The following TENM4 variants were observed in gnomAD, a reference collection of about 807,000 sequenced individuals.
TENM4 encodes teneurin-4.
In TENM4, 82 loss-of-function variants were observed where a neutral mutation model predicts 243.3. That is an observed-to-expected ratio of 0.34 (90% CI 0.28 to 0.40). The LOEUF (loss-of-function observed/expected upper bound fraction) is 0.40. Ranked by LOEUF, TENM4 falls within the 10% of genes least tolerant of loss-of-function variation. The pLI, the probability that TENM4 is intolerant of heterozygous loss-of-function variation, is 1.00. For missense variants in TENM4, 3,138 were observed against 3,673.3 expected (o/e 0.85, Z 3.77); for synonymous variants, 1,412 against 1,456.3 (o/e 0.97, Z 0.69).
intron 4 of TENM4, among the ~76,000 whole-genome samples, chr11:79,101,674 A>G (rs954037864): frequency 6.6e-6 from 1 of 152,228 alleles, no homozygotes; most frequent in Non-Finnish European, 1.5e-5. Flanking sequence ...TAATGAGAAC[A>G]TGCAAATGAG....
At chr11:78,961,294 C>T (rs1857315696) in intron 6 of TENM4, among the ~76,000 whole-genome samples, 2 of 152,188 alleles carry the variant, frequency 1.3e-5, no homozygotes, top group Non-Finnish European at 2.9e-5. Context: ...TAGGTTACCT[C>T]ATGTACATCC....
chr11:78,946,202 G>A (rs1005928903), intron 6 of TENM4, among the ~76,000 whole-genome samples: 1 of 152,192 alleles, frequency 6.6e-6, no homozygotes, highest in Non-Finnish European at 1.5e-5. Flanking sequence ...CTCTTGTCAG[G>A]GGCTAATGCA....
intron 15 of TENM4, among the ~76,000 whole-genome samples, chr11:78,797,097 T>C (rs1343453864): frequency 6.6e-6 from 1 of 152,174 alleles, no homozygotes; most frequent in Non-Finnish European, 1.5e-5. Context: ...GCACAAACCT[T>C]GGTAATAGCC....
At chr11:79,209,295 C>A (rs751171017) in intron 3 of TENM4, among the ~76,000 whole-genome samples, 21 of 152,170 alleles carry the variant, frequency 1.4e-4, no homozygotes, top group Non-Finnish European at 2.8e-4. Context: ...TAACCCCAAC[C>A]CGGCCGGCCT....
At chr11:79,268,985 G>C (rs1446243438) in intron 2 of TENM4, among the ~76,000 whole-genome samples, 1 of 152,210 alleles carries the variant, frequency 6.6e-6, no homozygotes, top group Non-Finnish European at 1.5e-5. Flanking sequence ...TATTAGATAA[G>C]ATGTCTTTAA....
rs757424213 is a variant in TENM4, at chr11:78,903,496, G to A, written c.521C>T (p.Ala174Val). The A allele has an allele frequency of 2.3e-5, 36 of 1,547,492 alleles. No individual in the cohort carries two copies. In the East Asian group the frequency reaches 7.8e-4, roughly 34 times the overall value. ...TDHPGGLQNH[A>V]RLRTPPPPLS... ...CGGCGGCGGCGGCGTCCGGAGCCGC[G>A]CGTGGTTCTGCAGGCCGCCCGGATG... Residue 174 changes from alanine (A) to valine (V), a missense_variant, in exon 7 of 34, where the codon GCG becomes GTG. Ala to Val is a moderately conservative substitution (Grantham distance 64). This residue lies in a region of TENM4 where 671 missense variants were observed against 614.1 expected (regional missense o/e 1.09). Coordinates refer to ENST00000278550, the MANE Select transcript of TENM4 (RefSeq NM_001098816.3).
intron 1 of TENM4, among the ~76,000 whole-genome samples, chr11:79,369,363 G>A (rs1231670717): frequency 6.6e-6 from 1 of 152,146 alleles, no homozygotes; most frequent in African/African-American, 2.4e-5. Context: ...ATCTTCCAAG[G>A]TTCAGAGGGG....
chr11:78,672,045 T>G lies in TENM4; in HGVS notation c.5781A>C (p.Thr1927=), dbSNP rs758262103. ...GACAGACACCTGCCTTCTCTAAGTA[T>G]GTGTAGCTCCATGTCTTCCCATCAG... ...IFADGKTWSY[T]YLEKSMVLLL... is the part of the protein sequence containing the mutation. Residue 1927 remains threonine (T), a synonymous_variant, in exon 31 of 34, where the codon ACA becomes ACC. Coordinates refer to ENST00000278550, the MANE Select transcript of TENM4 (RefSeq NM_001098816.3). The G allele has an allele frequency of 6.2e-7, 1 of 1,613,228 alleles. No homozygotes were observed.
chr11:79,109,217 ATTAT>A (rs1274742282), intron 4 of TENM4, among the ~76,000 whole-genome samples: 1 of 152,136 alleles, frequency 6.6e-6, no homozygotes, highest in African/African-American at 2.4e-5. Flanking sequence ...ATTGCTATTT[ATTAT>A]TTATTTCACT....
intron 3 of TENM4, among the ~76,000 whole-genome samples, chr11:79,160,399 G>T (rs943845284): frequency 6.6e-6 from 1 of 152,198 alleles, no homozygotes; most frequent in Non-Finnish European, 1.5e-5. Context: ...GTGCCTGGGG[G>T]TTCAGATTCC....
At chr11:79,166,332 A>G (rs1210707607) in intron 3 of TENM4, among the ~76,000 whole-genome samples, 1 of 152,216 alleles carries the variant, frequency 6.6e-6, no homozygotes, top group Admixed American at 6.5e-5. Context: ...GGCATAGAGC[A>G]TGTTCTCTTT....
At chr11:79,337,933 G>A (rs1330055890) in intron 1 of TENM4, among the ~76,000 whole-genome samples, 1 of 152,194 alleles carries the variant, frequency 6.6e-6, no homozygotes, top group Non-Finnish European at 1.5e-5. Flanking sequence ...GCCAGATCAG[G>A]GTCCTTCCTC....
chr11:79,378,495 C>T (rs939260869), intron 1 of TENM4, among the ~76,000 whole-genome samples: 1 of 152,136 alleles, frequency 6.6e-6, no homozygotes, highest in African/African-American at 2.4e-5. Context: ...TTCTGGAATC[C>T]CGGTCCAGAC....
chr11:79,152,601 C>A (rs12292631), intron 3 of TENM4, among the ~76,000 whole-genome samples: 1 of 152,190 alleles, frequency 6.6e-6, no homozygotes, highest in Non-Finnish European at 1.5e-5. Context: ...TTTAAAAGCT[C>A]GAATGAACAC....
At chr11:79,058,976 A>G (rs1860016301) in intron 6 of TENM4, among the ~76,000 whole-genome samples, 1 of 152,236 alleles carries the variant, frequency 6.6e-6, no homozygotes, top group African/African-American at 2.4e-5. Context: ...TTTTAAAACC[A>G]AGTCTCTTGG....
At chr11:79,430,506 C>T (rs998005155) in intron 1 of TENM4, among the ~76,000 whole-genome samples, 1 of 152,024 alleles carries the variant, frequency 6.6e-6, no homozygotes, top group Non-Finnish European at 1.5e-5. Flanking sequence ...AGTGATGATC[C>T]TACAATCTCA....
chr11:79,184,825 C>T (rs1200261808), intron 3 of TENM4, among the ~76,000 whole-genome samples: 1 of 152,076 alleles, frequency 6.6e-6, no homozygotes, highest in African/African-American at 2.4e-5. Context: ...GTATTTAACG[C>T]CCCTGAACTG....
At chr11:78,671,968 G>C in intron 31 of TENM4, 65 bp downstream of exon 31, 1 of 1,537,802 alleles carries the variant, frequency 6.5e-7, no homozygotes. Flanking sequence ...ACCAGGCTGG[G>C]CTTGGCCGTG....
At chr11:78,746,790 T>G (rs1212604474) in intron 19 of TENM4, among the ~76,000 whole-genome samples, 2 of 152,226 alleles carry the variant, frequency 1.3e-5, no homozygotes, top group Admixed American at 1.3e-4. Context: ...TTTTCTATGC[T>G]GTGTGGCCAG....
Sources: allele counts gnomAD v4.1 joint callset (sites outside exome capture counted in the v4.1 genomes callset), GRCh38; gene constraint gnomAD v4.1.1; regional missense constraint gnomAD v4.1.1; transcripts MANE v1.5; gene names NCBI Gene and HGNC (gene_info 2026-07-23, HGNC 2026-07-21).